RAB5C: variants seen among roughly 807,000 people sequenced by gnomAD.
The protein encoded by RAB5C is ras-related protein Rab-5C.
In RAB5C, 4 loss-of-function variants were observed where a neutral mutation model predicts 25.2. The ratio of observed to expected loss-of-function variants is 0.16; its 90% CI spans 0.08 to 0.36. The LOEUF (loss-of-function observed/expected upper bound fraction) is 0.36. Among genes scored for constraint, RAB5C ranks in the 10% least tolerant of loss-of-function variants. The probability of loss-of-function intolerance (pLI) is 1.00; values close to 1 mark genes in which losing one functional copy is unlikely to be tolerated. For synonymous variants in RAB5C, 100 were observed against 106.4 expected (o/e 0.94, Z 0.37); for missense variants, 199 against 283.8 (o/e 0.70, Z 2.15).
chr17:42,147,533 C>G (rs527684701), intron 1 of RAB5C, among the ~76,000 whole-genome samples: 1 of 152,200 alleles, frequency 6.6e-6, no homozygotes, highest in African/African-American at 2.4e-5. Context: ...GTCAGGGCCG[C>G]GCCCTCATTG....
chr17:42,140,515 ATTTTTTTTTT>A (rs10553272), intron 1 of RAB5C, among the ~76,000 whole-genome samples: 5 of 26,640 alleles, frequency 1.9e-4, no homozygotes, highest in African/African-American at 7.4e-4. Flanking sequence ...ATATATATAT[ATTTTTTTTTT>A]TTTTTTTTTT....
At position 42,128,711 on chromosome 17, in the gene RAB5C, G is replaced by T; in HGVS notation, c.256C>A (p.Leu86Met). 6.3e-7 allele frequency: 1 copy of T among 1,578,730 alleles called. No homozygotes were observed. ...DTAGQERYHS[L>M]APMYYRGAQA... ...GCCCCCCGATAGTACATGGGGGCCAGGCTGTGATACCGCTCCTGTCCAGCT... is the reference window on the plus strand; with the variant it reads ...GCCCCCCGATAGTACATGGGGGCCATGCTGTGATACCGCTCCTGTCCAGCT... The change falls in exon 3 of 6, where the codon CTG becomes ATG. Residue 86 changes from leucine to methionine, a missense_variant. By Grantham distance (15) the Leu-to-Met change is conservative. This residue lies in a region of RAB5C where 154 missense variants were observed against 199.6 expected (regional missense o/e 0.77). Transcript: ENST00000346213.
rs1369708623 is a variant in RAB5C, at chr17:42,152,802, C to T, written c.-89+2091G>A. On this transcript the variant is annotated intron_variant, in intron 1 of 5. Transcript: ENST00000346213. ...TCCAAAAAAAAAAAAAAAGTCGTTT[C>T]AGAGTCAGAGCTGGGAGAGCATGTC... Among the ~76,000 whole-genome samples the T allele has an allele frequency of 2.0e-5, 3 of 150,930 alleles. 1 individual carries two copies. In the East Asian group the frequency reaches 5.8e-4, roughly 29 times the overall value.
At position 42,128,723 on chromosome 17, in the gene RAB5C, G is replaced by A. The variant is rs1484981043; in HGVS notation, c.244C>T (p.Arg82Trp). ...FEIWDTAGQE[R>W]YHSLAPMYYR... ...TACATGGGGGCCAGGCTGTGATACC[G>A]CTCCTGTCCAGCTGTGTCCCAGATC... Residue 82 changes from arginine (R) to tryptophan (W), a missense_variant, in exon 3 of 6, where the codon CGG (arginine) becomes TGG (tryptophan). By Grantham distance (101) the Arg-to-Trp change is moderately radical. Around this residue, in one of 3 missense-constraint regions of RAB5C, gnomAD observed 154 missense variants for 199.6 expected, o/e 0.77. Transcript: ENST00000346213. 2 of 1,584,904 alleles carry A rather than the reference G, an allele frequency of 1.3e-6. No individual in the cohort carries two copies. The highest frequency in any genetic ancestry group is 8.6e-7 in the Non-Finnish European group (1 of 1,166,118).
chr17:42,126,042 T>C, intron 5 of RAB5C, 144 bp from the exon 6 acceptor site: 1 of 640,386 alleles, frequency 1.6e-6, no homozygotes, highest in South Asian at 2.0e-5. Context: ...TTCTGATTGT[T>C]TTCAGGAAAC....
At chr17:42,144,277 T>C (rs1021094241) in intron 1 of RAB5C, among the ~76,000 whole-genome samples, 3 of 147,592 alleles carry the variant, frequency 2.0e-5, no homozygotes, top group Admixed American at 1.4e-4. Context: ...GCCAACATGG[T>C]GAAACCCCGT....
At position 42,140,979 on chromosome 17, in the gene RAB5C, C is replaced by A. The variant is rs536692181; in HGVS notation, c.-88-10389G>T. 3.2e-4 allele frequency among the ~76,000 whole-genome samples: 49 copies of A among 152,086 alleles called. 1 individual carries two copies. Among genetic ancestry groups the A allele is most frequent in the African/African-American group, 9.6e-4 (40 of 41,474 alleles). ...AAGTAGCTGGGACTACGGGCGCATG[C>A]CACCATGCCCAGCTAATTTTTCTAT... On this transcript the variant is annotated intron_variant, in intron 1 of 5. Transcript: ENST00000346213.
chr17:42,134,065 C>A (rs1426481747), intron 1 of RAB5C, among the ~76,000 whole-genome samples: 1 of 152,058 alleles, frequency 6.6e-6, no homozygotes, highest in Non-Finnish European at 1.5e-5. Context: ...CCAACCTTTG[C>A]AGTCAATAAA....
chr17:42,152,276 C>T (rs1308533424), intron 1 of RAB5C, among the ~76,000 whole-genome samples: 1 of 152,138 alleles, frequency 6.6e-6, no homozygotes, highest in Non-Finnish European at 1.5e-5. Flanking sequence ...TACAGTTTAA[C>T]AGCCCTCTAA....
At chr17:42,147,078 AAG>A (rs772814808) in intron 1 of RAB5C, among the ~76,000 whole-genome samples, 50 of 151,288 alleles carry the variant, frequency 3.3e-4, no homozygotes, top group Non-Finnish European at 5.9e-4. Context: ...AAGAAAAAGA[AAG>A]AAAGAAAGAA....
intron 1 of RAB5C, among the ~76,000 whole-genome samples, chr17:42,143,546 A>C (rs1461817519): frequency 6.6e-6 from 1 of 152,186 alleles, no homozygotes; most frequent in Non-Finnish European, 1.5e-5. Flanking sequence ...TTGAGGCACA[A>C]GAATTGCATG....
chr17:42,144,960 A>G (rs1598256090), intron 1 of RAB5C, among the ~76,000 whole-genome samples: 2 of 54,680 alleles, frequency 3.7e-5, no homozygotes, highest in African/African-American at 2.3e-4. Context: ...AAAAAAAAAA[A>G]AAAAAAAAAA....
chr17:42,135,815 C>T (rs992622295), intron 1 of RAB5C, among the ~76,000 whole-genome samples: 24 of 152,200 alleles, frequency 1.6e-4, no homozygotes, highest in African/African-American at 5.8e-4. Flanking sequence ...ATGAGTGTCT[C>T]GTGTACTTCC....
intron 1 of RAB5C, among the ~76,000 whole-genome samples, chr17:42,140,579 A>G (rs1444116937): frequency 1.5e-5 from 2 of 132,652 alleles, no homozygotes; most frequent in African/African-American, 2.7e-5. Flanking sequence ...GCTGGAGTGC[A>G]GTGGCACAAT....
At chr17:42,142,327 G>A (rs1023580101) in intron 1 of RAB5C, among the ~76,000 whole-genome samples, 11 of 151,988 alleles carry the variant, frequency 7.2e-5, no homozygotes, top group Admixed American at 6.6e-5. Context: ...GAGCCACCGC[G>A]CCCAGCCCAC....
chr17:42,148,400 T>C (rs1380535322), intron 1 of RAB5C, among the ~76,000 whole-genome samples: 2 of 103,632 alleles, frequency 1.9e-5, no homozygotes, highest in African/African-American at 4.9e-5. Context: ...CAAGACTCCA[T>C]CTCAAAAAAA....
At chr17:42,153,623 G>A (rs986353764) in intron 1 of RAB5C, among the ~76,000 whole-genome samples, 1 of 152,076 alleles carries the variant, frequency 6.6e-6, no homozygotes, top group African/African-American at 2.4e-5. Flanking sequence ...ACGGCTTTCC[G>A]TCCCTTCCTC....
At chr17:42,144,182 C>T (rs374446833) in intron 1 of RAB5C, among the ~76,000 whole-genome samples, 3 of 152,270 alleles carry the variant, frequency 2.0e-5, no homozygotes, top group African/African-American at 7.2e-5. Flanking sequence ...ATAGGCCAGG[C>T]GCAGTGGCTC....
intron 2 of RAB5C, among the ~76,000 whole-genome samples, chr17:42,129,422 G>A (rs2054463724): frequency 6.6e-6 from 1 of 152,178 alleles, no homozygotes; most frequent in Non-Finnish European, 1.5e-5. Context: ...TGGCCACCCT[G>A]TGACCTGACC....
Sources: gnomAD v4.1 joint callset for allele counts (sites outside exome capture counted in the v4.1 genomes callset) on GRCh38, gnomAD v4.1.1 for gene constraint, gnomAD v4.1.1 regional missense constraint, MANE v1.5 for transcripts, NCBI Gene and HGNC (gene_info 2026-07-23, HGNC 2026-07-21) for gene names.